The following DTL variants were observed in gnomAD, a reference collection of about 807,000 sequenced individuals.
The protein encoded by DTL is denticleless protein homolog.
A neutral mutation model predicts 87.0 loss-of-function variants in DTL; 46 were observed. The ratio of observed to expected loss-of-function variants is 0.53; its 90% CI spans 0.42 to 0.68. DTL has a LOEUF of 0.68. Among genes scored for constraint, DTL ranks in the 30% least tolerant of loss-of-function variants. The pLI, the probability that DTL is intolerant of heterozygous loss-of-function variation, is 0.00. For synonymous variants in DTL, 308 were observed against 311.2 expected (o/e 0.99, Z 0.11); for missense variants, 737 against 869.4 (o/e 0.85, Z 1.91).
chr1:212,063,297 T>A (rs994839815), intron 6 of DTL, among the ~76,000 whole-genome samples: 1 of 135,860 alleles, frequency 7.4e-6, no homozygotes, highest in Non-Finnish European at 1.6e-5. Context: ...ATTATTATTA[T>A]TTTTTTTTTT....
At chr1:212,092,977 A>G (rs913362878) in intron 13 of DTL, among the ~76,000 whole-genome samples, 1 of 151,744 alleles carries the variant, frequency 6.6e-6, no homozygotes, top group African/African-American at 2.4e-5. Flanking sequence ...TTTTATTTAC[A>G]TTTCCCTGAT....
chr1:212,080,798 A>C (rs747527087), intron 13 of DTL, 48 bp downstream of exon 13: 1 of 1,598,798 alleles, frequency 6.3e-7, no homozygotes, highest in Non-Finnish European at 8.6e-7. Flanking sequence ...TGACTAGTTT[A>C]GTCCGACAGT....
intron 13 of DTL, among the ~76,000 whole-genome samples, chr1:212,085,206 A>C (rs3010012): frequency 6.6e-6 from 1 of 152,224 alleles, no homozygotes; most frequent in Non-Finnish European, 1.5e-5. Context: ...TAGAGAGTCA[A>C]CTATATTTAG....
In DTL at chr1:212,100,873, A is replaced by T; in HGVS notation, c.1883A>T (p.Tyr628Phe). 1 of 1,614,180 alleles carries T rather than the reference A, an allele frequency of 6.2e-7. No homozygotes were observed. The highest frequency in any genetic ancestry group is 8.5e-7 in the Non-Finnish European group (1 of 1,180,012). Residue 628 changes from tyrosine (Y) to phenylalanine (F), a missense_variant, in exon 14 of 15, where the codon TAT becomes TTT. Coordinates refer to ENST00000366991, the MANE Select transcript of DTL (RefSeq NM_016448.4). ...ISEPPSPISP[Y>F]ASESCGTLPL... ...GAGCCTCCGTCTCCTATCAGTCCGT[A>T]TGCTTCAGAAAGCTGTGGAACGCTA...
Position 212,071,049 on chromosome 1 carries a change from G to A in DTL, c.923-1052G>A, listed in dbSNP as rs1413040829. ...TGTTTATTTTGCAGTGATAATAGGT[G>A]TATACAAATTGATTCATATCCTGCC... On this transcript the variant is annotated intron_variant, in intron 10 of 14. Transcript: ENST00000366991. 2.6e-5 allele frequency among the ~76,000 whole-genome samples: 4 copies of A among 152,190 alleles called. No individual in the cohort carries two copies. In the East Asian group the frequency reaches 7.7e-4, roughly 29 times the overall value.
At chr1:212,086,346 T>C (rs1165531032) in intron 13 of DTL, among the ~76,000 whole-genome samples, 1 of 152,190 alleles carries the variant, frequency 6.6e-6, no homozygotes, top group Non-Finnish European at 1.5e-5. Flanking sequence ...GAATACTGAT[T>C]TTAAAAAAAA....
chr1:212,099,220 T>TTTTGTTTGTTTGTTTG (rs138191220), intron 13 of DTL, among the ~76,000 whole-genome samples: 3 of 151,256 alleles, frequency 2.0e-5, no homozygotes, highest in South Asian at 4.2e-4. Flanking sequence ...TCACACTGTT[T>TTTTGTTTGTTTGTTTG]TTTGTTTGTT....
chr1:212,083,084 T>G (rs565749039), intron 13 of DTL, among the ~76,000 whole-genome samples: 15 of 152,298 alleles, frequency 9.8e-5, no homozygotes, highest in African/African-American at 3.6e-4. Context: ...GATAAAGACA[T>G]GTACAAGACT....
chr1:212,072,972 A>AG (rs1054516456), intron 11 of DTL, among the ~76,000 whole-genome samples: 29 of 152,144 alleles, frequency 1.9e-4, no homozygotes, highest in African/African-American at 6.7e-4. Context: ...TCACCATGTT[A>AG]GCCAGGATGG....
intron 1 of DTL, among the ~76,000 whole-genome samples, chr1:212,036,475 A>T (rs1320120198): frequency 1.3e-5 from 2 of 152,186 alleles, no homozygotes. Context: ...ATAAAAATTT[A>T]AATTATAGAG....
Position 212,080,745 on chromosome 1 carries a change from G to A in DTL, c.1256G>A (p.Gly419Asp). Residue 419 changes from glycine (G) to aspartate (D), a missense_variant, in exon 13 of 15, where the codon GGC becomes GAC. Transcript: ENST00000366991. Reference sequence around the variant, plus strand: ...CAGAAGAAAAAAGAGTCAAGACCTGGCCTAGGTAAGGATATCATATACTTT... The same window carrying A: ...CAGAAGAAAAAAGAGTCAAGACCTGACCTAGGTAAGGATATCATATACTTT... ...ASQKKKESRPGLVTVTSSQST... is the reference protein window; with the variant it reads ...ASQKKKESRPDLVTVTSSQST... 6.2e-7 allele frequency: 1 copy of A among 1,613,340 alleles called. No homozygotes were observed. Among genetic ancestry groups the A allele is most frequent in the Non-Finnish European group, 8.5e-7 (1 of 1,179,478 alleles).
intron 5 of DTL, chr1:212,051,621 T>A (rs924894800): frequency 1.2e-6 from 1 of 826,772 alleles, no homozygotes; most frequent in Non-Finnish European, 2.0e-6. Flanking sequence ...AGGCTGGCGC[T>A]TTAGTTGAAC....
chr1:212,075,879 C>A (rs12130548), intron 11 of DTL, among the ~76,000 whole-genome samples: 10,599 of 152,234 alleles, frequency 0.07, 468 homozygotes, highest in Admixed American at 0.14. Context: ...ACTCTCTAAT[C>A]CCCTCTTCCT....
chr1:212,063,180 T>C (rs1654386083), intron 6 of DTL, among the ~76,000 whole-genome samples: 1 of 152,190 alleles, frequency 6.6e-6, no homozygotes. Context: ...TATTGTCTTC[T>C]GAATTATAAT....
intron 5 of DTL, among the ~76,000 whole-genome samples, chr1:212,061,193 A>G (rs1366922780): frequency 6.6e-6 from 1 of 151,550 alleles, no homozygotes; most frequent in East Asian, 1.9e-4. Flanking sequence ...CTGAGCCCTG[A>G]GCGGTGATTA....
intron 12 of DTL, among the ~76,000 whole-genome samples, chr1:212,080,033 G>C (rs189729506): frequency 6.6e-6 from 1 of 152,148 alleles, no homozygotes; most frequent in African/African-American, 2.4e-5. Flanking sequence ...AAGGGACAAA[G>C]GTTATTTTTT....
rs1655669894 is a variant in DTL at position 212,103,023 on chromosome 1, A to G, written c.*83A>G. 11 of 769,378 alleles carry G rather than the reference A, an allele frequency of 1.4e-5. No individual in the cohort carries two copies. In the South Asian group the frequency reaches 1.8e-4, roughly 12 times the overall value. 47.7% of individuals were successfully genotyped at this position (769,378 alleles called of 1,614,324 possible). A position where few individuals can be genotyped will look rare whatever the true frequency, so the allele number is the denominator to read the frequency against. ...CCACTAAAACAAGATGAAAAATACA[A>G]GAGTGACTCTATAACTCTGGTCTTT... On this transcript the variant is annotated 3_prime_UTR_variant, in exon 15 of 15. Coordinates refer to ENST00000366991, the MANE Select transcript of DTL (RefSeq NM_016448.4).
chr1:212,090,430 T>C (rs1655250221), intron 13 of DTL, among the ~76,000 whole-genome samples: 1 of 151,964 alleles, frequency 6.6e-6, no homozygotes, highest in Non-Finnish European at 1.5e-5. Flanking sequence ...ATTAGGTAAT[T>C]AAACTGAATT....
chr1:212,096,636 C>A (rs1203690767), intron 13 of DTL, among the ~76,000 whole-genome samples: 1 of 152,146 alleles, frequency 6.6e-6, no homozygotes, highest in Non-Finnish European at 1.5e-5. Flanking sequence ...TCATTATTGA[C>A]CCAAAGATCA....
Sources: allele counts gnomAD v4.1 joint callset (sites outside exome capture counted in the v4.1 genomes callset), GRCh38; gene constraint gnomAD v4.1.1; transcripts MANE v1.5; gene names NCBI Gene and HGNC (gene_info 2026-07-23, HGNC 2026-07-21).